TMEM39B: variants seen among roughly 807,000 people sequenced by gnomAD.
TMEM39B encodes the protein transmembrane protein 39B.
In TMEM39B, 23 loss-of-function variants were observed where a neutral mutation model predicts 52.2. That is an observed-to-expected ratio of 0.44 (90% CI 0.32 to 0.62). The LOEUF is 0.62. Among genes scored for constraint, TMEM39B ranks in the 20% least tolerant of loss-of-function variants. The probability of loss-of-function intolerance (pLI) is 0.06; values close to 1 mark genes in which losing one functional copy is unlikely to be tolerated. For missense variants in TMEM39B, 547 were observed against 642.0 expected (o/e 0.85, Z 1.60); for synonymous variants, 285 against 264.0 (o/e 1.08, Z -0.77).
At chr1:32,074,351 A>T (rs936978136) in intron 1 of TMEM39B, among the ~76,000 whole-genome samples, 7 of 152,136 alleles carry the variant, frequency 4.6e-5, no homozygotes, top group Non-Finnish European at 1.0e-4. Flanking sequence ...CAGAGTTGAG[A>T]GCACACGACC....
intron 5 of TMEM39B, among the ~76,000 whole-genome samples, 177 bp from the exon 6 acceptor site, chr1:32,091,498 G>A (rs1263021961): frequency 6.6e-6 from 1 of 152,202 alleles, no homozygotes; most frequent in Non-Finnish European, 1.5e-5. Context: ...GGTAATACGT[G>A]TGCTGAGTGA....
At chr1:32,074,914 C>T (rs970980830) in intron 1 of TMEM39B, 37 bp from the exon 2 acceptor site, 68 of 1,535,152 alleles carry the variant, frequency 4.4e-5, no homozygotes, top group Admixed American at 1.4e-4. Context: ...ATATATGCCC[C>T]CTGGCTTGAG....
intron 5 of TMEM39B, among the ~76,000 whole-genome samples, chr1:32,081,652 G>A (rs1463312273): frequency 2.0e-5 from 3 of 151,546 alleles, no homozygotes; most frequent in Admixed American, 6.6e-5. Context: ...GGAGGCTGAG[G>A]CAGGAGAATT....
At chr1:32,082,324 A>G (rs1051008040) in intron 5 of TMEM39B, among the ~76,000 whole-genome samples, 4 of 152,070 alleles carry the variant, frequency 2.6e-5, no homozygotes, top group Non-Finnish European at 4.4e-5. Flanking sequence ...AAAATTAAAA[A>G]CCAGTATGTG....
At position 32,077,165 on chromosome 1, in the gene TMEM39B, C is replaced by T; in HGVS notation, c.437C>T (p.Ala146Val). ...CCGTCCTATCTTGCCCCGACCCAGG[C>T]CTCTCAGAGGGGGAAGGTCTCCCTC... is the stretch of plus-strand genomic sequence containing the variant. ...RRFIGSIVKEASQRGKVSLFR... is the reference protein window; with the variant it reads ...RRFIGSIVKEVSQRGKVSLFR... Residue 146 changes from alanine (A) to valine (V), a missense_variant and splice_region_variant, in exon 5 of 9, where the codon GCC (alanine) becomes GTC (valine). Coordinates refer to ENST00000336294, the MANE Select transcript of TMEM39B (RefSeq NM_018056.4). 1 of 1,614,090 alleles carries T rather than the reference C, an allele frequency of 6.2e-7. No individual in the cohort carries two copies.
At chr1:32,082,056 ATTT>A (rs935345420) in intron 5 of TMEM39B, among the ~76,000 whole-genome samples, 1 of 152,070 alleles carries the variant, frequency 6.6e-6, no homozygotes, top group Non-Finnish European at 1.5e-5. Flanking sequence ...AGCTTTTAAT[ATTT>A]TTAAGTTTCT....
intron 1 of TMEM39B, chr1:32,073,795 G>T (rs1441893775): frequency 1.0e-6 from 1 of 985,314 alleles, no homozygotes; most frequent in Non-Finnish European, 1.2e-6. Context: ...TGGCTCCGAA[G>T]TGTGGGAAAC....
chr1:32,085,133 G>A (rs1557427313), intron 5 of TMEM39B, among the ~76,000 whole-genome samples: 1 of 152,056 alleles, frequency 6.6e-6, no homozygotes, highest in South Asian at 2.1e-4. Flanking sequence ...TTTTAACCTG[G>A]AGATTTGAGT....
intron 6 of TMEM39B, among the ~76,000 whole-genome samples, chr1:32,094,441 C>G (rs1413788137): frequency 6.6e-6 from 1 of 152,076 alleles, no homozygotes; most frequent in African/African-American, 2.4e-5. Context: ...TTGCTCTATC[C>G]TCATTTGACA....
At chr1:32,102,336 G>A (rs1246235359) in intron 8 of TMEM39B, 95 bp from the exon 9 acceptor site, 2 of 1,520,638 alleles carry the variant, frequency 1.3e-6, no homozygotes, top group Non-Finnish European at 8.8e-7. Context: ...GGGGCCCCAG[G>A]AGGCTGTCCC....
In TMEM39B at chr1:32,083,526, G is replaced by A. The variant is rs1234684900; in HGVS notation, c.590+6208G>A. ...CAACCTTCACTTCCCAGTTTCAAGCGATTTTCCTGCCTCAGCCTCCCGAGT... is the reference window on the plus strand; with the variant it reads ...CAACCTTCACTTCCCAGTTTCAAGCAATTTTCCTGCCTCAGCCTCCCGAGT... On this transcript the variant is annotated intron_variant, in intron 5 of 8. Transcript: ENST00000336294. Among the ~76,000 whole-genome samples the A allele has an allele frequency of 4.3e-5, 6 of 139,916 alleles. No individual in the cohort carries two copies. In the South Asian group the frequency reaches 9.3e-4, roughly 22 times the overall value. 91.8% of individuals were successfully genotyped at this position (139,916 alleles called of 152,430 possible).
At chr1:32,083,864 G>C (rs569328562) in intron 5 of TMEM39B, among the ~76,000 whole-genome samples, 13 of 152,118 alleles carry the variant, frequency 8.5e-5, no homozygotes, top group Non-Finnish European at 1.8e-4. Context: ...TCCCATCTCA[G>C]CCTCCCAAGT....
intron 5 of TMEM39B, among the ~76,000 whole-genome samples, chr1:32,078,032 C>T (rs1201070388): frequency 2.6e-5 from 4 of 152,098 alleles, no homozygotes; most frequent in Non-Finnish European, 5.9e-5. Context: ...TCCCAACCCC[C>T]AGGTTTTCTG....
At chr1:32,080,156 G>T (rs1278498922) in intron 5 of TMEM39B, among the ~76,000 whole-genome samples, 1 of 151,972 alleles carries the variant, frequency 6.6e-6, no homozygotes, top group Non-Finnish European at 1.5e-5. Flanking sequence ...CCAAAGTGCT[G>T]TGATTACAGG....
In TMEM39B at chr1:32,102,770, C is replaced by A. The variant is rs749365334; in HGVS notation, c.*97C>A. On this transcript the variant is annotated 3_prime_UTR_variant, in exon 9 of 9. Transcript: ENST00000336294. ...AAGTGGTGGTGGGGGGGACAAAAGA[C>A]AAAAAAATCCACCAGAGCTTTGTAT... 1.3e-5 allele frequency: 17 copies of A among 1,326,320 alleles called. No individual in the cohort carries two copies. The highest frequency in any genetic ancestry group is 2.0e-4 in the Middle Eastern group (1 of 5,008). 82.2% of individuals were successfully genotyped at this position (1,326,320 alleles called of 1,614,324 possible).
At chr1:32,095,039 C>T (rs1368240395) in intron 7 of TMEM39B, 68 bp downstream of exon 7, 1 of 1,537,404 alleles carries the variant, frequency 6.5e-7, no homozygotes, top group African/African-American at 1.4e-5. Context: ...CACTTGTCCA[C>T]TCGCTGATTA....
intron 8 of TMEM39B, among the ~76,000 whole-genome samples, chr1:32,101,557 A>G (rs560339879): frequency 2.6e-5 from 4 of 152,162 alleles, no homozygotes; most frequent in East Asian, 3.9e-4. Context: ...CTCCTAAAGG[A>G]TCCCCTTGAA....
Position 32,091,892 on chromosome 1 carries a change from C to T in TMEM39B, c.808C>T (p.Leu270Phe). Residue 270 changes from leucine (L) to phenylalanine (F), a missense_variant, in exon 6 of 9, where the codon CTC (leucine) becomes TTC (phenylalanine). By Grantham distance (22) the Leu-to-Phe change is conservative (BLOSUM62 0). Transcript: ENST00000336294. ...PTHACCLSPS[L>F]IRSEVEFLKM... The stretch of plus-strand genomic sequence containing the variant: ...CCATGCCTGCTGCCTGTCACCCAGC[C>T]TCATCCGCAGTGAGGTGGAGTTCCT... 6.2e-7 allele frequency: 1 copy of T among 1,614,228 alleles called. No individual in the cohort carries two copies. Among genetic ancestry groups the T allele is most frequent in the Non-Finnish European group, 8.5e-7 (1 of 1,180,042 alleles).
intron 7 of TMEM39B, among the ~76,000 whole-genome samples, chr1:32,100,069 GT>G (rs969919925): frequency 6.6e-6 from 1 of 151,946 alleles, no homozygotes; most frequent in Non-Finnish European, 1.5e-5. Flanking sequence ...CCCACAAAGA[GT>G]TTTAAGCAGA....
Sources: gnomAD v4.1 joint callset for allele counts (sites outside exome capture counted in the v4.1 genomes callset) on GRCh38, gnomAD v4.1.1 for gene constraint, MANE v1.5 for transcripts, NCBI Gene and HGNC (gene_info 2026-07-23, HGNC 2026-07-21) for gene names.